The following ADAMTS20 variants were observed in gnomAD, a reference collection of about 807,000 sequenced individuals.
ADAMTS20 encodes the protein ADAM metallopeptidase with thrombospondin type 1 motif 20.
A neutral mutation model predicts 260.1 loss-of-function variants in ADAMTS20; 225 were observed. The ratio of observed to expected loss-of-function variants is 0.87; its 90% CI spans 0.78 to 0.97. ADAMTS20 has a LOEUF of 0.97. Among genes scored for constraint, ADAMTS20 ranks in the 50% least tolerant of loss-of-function variants. The pLI is 0.00. For synonymous variants in ADAMTS20, 802 were observed against 769.5 expected, an observed-to-expected ratio of 1.04 and a Z score of -0.70; for missense variants, 2,400 against 2,337.7, an observed-to-expected ratio of 1.03 and a Z score of -0.55.
chr12:43,356,084 T>G (rs1247573297), intron 38 of ADAMTS20, among the ~76,000 whole-genome samples: 1 of 152,096 alleles, frequency 6.6e-6, no homozygotes, highest in Admixed American at 6.6e-5. Context: ...AACAAAAAAT[T>G]TAACCCTCAT....
chr12:43,539,212 A>C (rs1195706337), intron 2 of ADAMTS20, among the ~76,000 whole-genome samples: 2 of 152,064 alleles, frequency 1.3e-5, no homozygotes, highest in Non-Finnish European at 2.9e-5. Flanking sequence ...TGGCCTCCCA[A>C]AGTGCTGGGA....
Position 43,375,459 on chromosome 12 carries a change from T to A in ADAMTS20, c.5366A>T (p.Glu1789Val). ...PFNGSRREDCECDNGHLAAGY... is the reference protein window; with the variant it reads ...PFNGSRREDCVCDNGHLAAGY... ...AGCAGCTAAGTGTCCATTGTCACAT[T>A]CACAGTCTTCCCTTCTACTCCCATT... Residue 1789 changes from glutamate (E) to valine (V), a missense_variant, in exon 36 of 39, where the codon GAA becomes GTA. Transcript: ENST00000389420. The A allele has an allele frequency of 6.2e-7, 1 of 1,613,368 alleles. No individual in the cohort carries two copies. Among genetic ancestry groups the A allele is most frequent in the Non-Finnish European group, 8.5e-7 (1 of 1,179,384 alleles).
intron 29 of ADAMTS20, among the ~76,000 whole-genome samples, chr12:43,391,310 A>C (rs1010691575): frequency 9.2e-5 from 14 of 152,168 alleles, no homozygotes; most frequent in African/African-American, 3.4e-4. Flanking sequence ...CAACACATGC[A>C]TATTTTTTTT....
intron 3 of ADAMTS20, among the ~76,000 whole-genome samples, chr12:43,514,783 T>A (rs1329291808): frequency 6.6e-6 from 1 of 152,112 alleles, no homozygotes; most frequent in Non-Finnish European, 1.5e-5. Flanking sequence ...TATCAGTGAA[T>A]TAAATATATA....
chr12:43,363,318 G>C (rs1939914495), intron 37 of ADAMTS20, among the ~76,000 whole-genome samples: 1 of 152,156 alleles, frequency 6.6e-6, no homozygotes, highest in African/African-American at 2.4e-5. Flanking sequence ...ATAGGCAAGA[G>C]TAGCTGAGAG....
intron 3 of ADAMTS20, among the ~76,000 whole-genome samples, chr12:43,526,111 A>G (rs1412968421): frequency 6.6e-6 from 1 of 152,238 alleles, no homozygotes; most frequent in African/African-American, 2.4e-5. Flanking sequence ...ATTTTCTAAG[A>G]TAGACCATAT....
At chr12:43,407,365 A>G (rs1426780878) in intron 28 of ADAMTS20, among the ~76,000 whole-genome samples, 2 of 151,598 alleles carry the variant, frequency 1.3e-5, no homozygotes, top group African/African-American at 4.8e-5. Flanking sequence ...TTGAGCATAT[A>G]TGTACATGTA....
intron 4 of ADAMTS20, among the ~76,000 whole-genome samples, chr12:43,493,577 G>C (rs1942637444): frequency 1.3e-5 from 2 of 152,122 alleles, no homozygotes; most frequent in South Asian, 4.1e-4. Context: ...CCCCACCCTG[G>C]ATTAATGATT....
chr12:43,516,052 C>T (rs529634336), intron 3 of ADAMTS20, among the ~76,000 whole-genome samples: 98 of 152,160 alleles, frequency 6.4e-4, no homozygotes, highest in African/African-American at 2.0e-3. Flanking sequence ...ACCGCCCCAC[C>T]GCCTTCAGTT....
chr12:43,540,346 T>G (rs1256244053), intron 2 of ADAMTS20, among the ~76,000 whole-genome samples: 1 of 152,154 alleles, frequency 6.6e-6, no homozygotes, highest in Non-Finnish European at 1.5e-5. Flanking sequence ...ACTCCAGCCT[T>G]TAAAAAATGT....
At chr12:43,434,996 A>T in intron 18 of ADAMTS20, among the ~76,000 whole-genome samples, 1 of 151,742 alleles carries the variant, frequency 6.6e-6, no homozygotes, top group East Asian at 1.9e-4. Context: ...TAAAAAGATC[A>T]GTGTCTGTCA....
chr12:43,492,405 A>G, intron 6 of ADAMTS20, 100 bp downstream of exon 6: 2 of 1,424,380 alleles, frequency 1.4e-6, no homozygotes, highest in Non-Finnish European at 1.9e-6. Context: ...AGAAAAAGAA[A>G]AACAAAAACA....
intron 28 of ADAMTS20, among the ~76,000 whole-genome samples, chr12:43,415,717 A>G (rs1168518799): frequency 6.6e-6 from 1 of 152,204 alleles, no homozygotes; most frequent in African/African-American, 2.4e-5. Flanking sequence ...GCATTCTAAT[A>G]CCACAGCTCT....
chr12:43,379,634 A>T (rs1023154783), intron 31 of ADAMTS20, among the ~76,000 whole-genome samples: 2 of 152,216 alleles, frequency 1.3e-5, no homozygotes, highest in Non-Finnish European at 2.9e-5. Context: ...TATTAAGGAA[A>T]TTACTGTCTA....
chr12:43,419,056 C>T (rs1941182359), intron 28 of ADAMTS20, among the ~76,000 whole-genome samples: 1 of 152,088 alleles, frequency 6.6e-6, no homozygotes, highest in South Asian at 2.1e-4. Context: ...GAGTCTACTA[C>T]TTTTAAAAAA....
At chr12:43,371,239 A>AT (rs1216799147) in intron 36 of ADAMTS20, among the ~76,000 whole-genome samples, 1 of 151,892 alleles carries the variant, frequency 6.6e-6, no homozygotes, top group East Asian at 1.9e-4. Context: ...CCTAAAACTC[A>AT]TTTTTTTGCC....
rs528349822 is a variant in ADAMTS20 at position 43,439,342 on chromosome 12, C to T, written c.2593+280G>A. On this transcript the variant is annotated intron_variant, in intron 18 of 38. Coordinates refer to ENST00000389420, the MANE Select transcript of ADAMTS20 (RefSeq NM_025003.5). Reference sequence around the variant, plus strand: ...GATATATATAAGTTAGAGAAACTTTCTGTGGCTGTGAAAAAGAGAATGAGA... The same window carrying T: ...GATATATATAAGTTAGAGAAACTTTTTGTGGCTGTGAAAAAGAGAATGAGA... Among the ~76,000 whole-genome samples the T allele has an allele frequency of 7.5e-4, 114 of 152,176 alleles. 1 individual carries two copies. Among genetic ancestry groups the T allele is most frequent in the African/African-American group, 2.5e-3 (104 of 41,502 alleles).
chr12:43,521,708 T>G (rs1248848250), intron 3 of ADAMTS20, among the ~76,000 whole-genome samples: 3 of 152,236 alleles, frequency 2.0e-5, no homozygotes, highest in African/African-American at 7.2e-5. Context: ...CTTTAAATTT[T>G]TTTTTGTTTC....
At chr12:43,470,004 T>C (rs1208133056) in intron 7 of ADAMTS20, among the ~76,000 whole-genome samples, 1 of 152,130 alleles carries the variant, frequency 6.6e-6, no homozygotes, top group Non-Finnish European at 1.5e-5. Flanking sequence ...GCTTTTTCCT[T>C]ACAAGGAAGA....
Sources: allele counts gnomAD v4.1 joint callset (sites outside exome capture counted in the v4.1 genomes callset), GRCh38; gene constraint gnomAD v4.1.1; transcripts MANE v1.5; gene names NCBI Gene and HGNC (gene_info 2026-07-23, HGNC 2026-07-21).